NRXN3: variants seen among roughly 807,000 people sequenced by gnomAD.
NRXN3 encodes neurexin III.
In NRXN3, 32 loss-of-function variants were observed where a neutral mutation model predicts 137.6. The observed-to-expected ratio is 0.23, with a 90% CI of 0.18 to 0.31. The LOEUF (loss-of-function observed/expected upper bound fraction) is 0.31, where lower values mean the gene tolerates loss of function less well. NRXN3 is among the 10% of genes least tolerant of loss of function. The pLI is 1.00. For missense variants in NRXN3, 1,574 were observed against 2,062.5 expected, an observed-to-expected ratio of 0.76 and a Z score of 4.59; for synonymous variants, 798 against 784.5, an observed-to-expected ratio of 1.02 and a Z score of -0.29.
chr14:79,022,525 C>T (rs1022235795), intron 15 of NRXN3, among the ~76,000 whole-genome samples: 19 of 152,250 alleles, frequency 1.2e-4, no homozygotes, highest in Middle Eastern at 3.4e-3. Context: ...GGAACACACA[C>T]GAAGCCAGAA....
rs916073051 is a variant in NRXN3, at chr14:78,994,132, G to C, written c.3262+5991G>C. On this transcript the variant is annotated intron_variant, in intron 15 of 20. Transcript: ENST00000335750. The stretch of plus-strand genomic sequence containing the variant: ...GCCTCCCAAAGTGCTGGGATTACAG[G>C]TGTGAGCCACTGCGCCTGGCTGCCT... Among the ~76,000 whole-genome samples, 3 of 152,082 alleles carry C rather than the reference G, an allele frequency of 2.0e-5. No individual in the cohort carries two copies. The East Asian group carries it at 5.8e-4, about 29-fold the overall frequency.
At chr14:79,301,999 T>G (rs2085221787) in intron 15 of NRXN3, among the ~76,000 whole-genome samples, 1 of 151,978 alleles carries the variant, frequency 6.6e-6, no homozygotes, top group Non-Finnish European at 1.5e-5. Flanking sequence ...AAGTATTTGC[T>G]GAAGGGAGGG....
At chr14:79,436,696 G>A (rs1413992146) in intron 15 of NRXN3, among the ~76,000 whole-genome samples, 3 of 152,170 alleles carry the variant, frequency 2.0e-5, no homozygotes, top group African/African-American at 4.8e-5. Context: ...CTAGGGAAAA[G>A]GAGAATTACA....
chr14:79,659,879 T>C (rs2098524815), intron 16 of NRXN3, among the ~76,000 whole-genome samples: 1 of 152,206 alleles, frequency 6.6e-6, no homozygotes, highest in Middle Eastern at 3.2e-3. Context: ...CAGAGTGTTT[T>C]ATATCTGATC....
At chr14:79,018,906 T>TA (rs2099584230) in intron 15 of NRXN3, among the ~76,000 whole-genome samples, 1 of 152,238 alleles carries the variant, frequency 6.6e-6, no homozygotes. Flanking sequence ...AGCTGCTGAT[T>TA]AAACATCTGT....
At chr14:78,386,625 A>G (rs1455501615) in intron 4 of NRXN3, among the ~76,000 whole-genome samples, 1 of 152,346 alleles carries the variant, frequency 6.6e-6, no homozygotes, top group East Asian at 1.9e-4. Flanking sequence ...TTTATGGATG[A>G]ACAAACCAAA....
At chr14:78,570,910 T>C (rs977579467) in intron 4 of NRXN3, among the ~76,000 whole-genome samples, 2 of 152,192 alleles carry the variant, frequency 1.3e-5, no homozygotes, top group African/African-American at 4.8e-5. Context: ...CTTTCCTCAG[T>C]CTCAGTGAGC....
At chr14:79,026,972 A>ATCAC (rs2099599416) in intron 15 of NRXN3, among the ~76,000 whole-genome samples, 1 of 1,762 alleles carries the variant, frequency 5.7e-4, no homozygotes, top group African/African-American at 1.1e-3. Context: ...ATATATATAT[A>ATCAC]TATATATATA....
Position 78,862,044 on chromosome 14 carries a change from GTAAACAAC to G in NRXN3, c.2275+51705_2275+51712del, listed in dbSNP as rs573381727. ...TAGAGTTTACATTCCAGTTGTACTA[GTAAACAAC>G]TAAAACCTCTACATAAGGCAGTTTA... On this transcript the variant is annotated intron_variant, in intron 10 of 20. Transcript: ENST00000335750. 4.6e-5 allele frequency among the ~76,000 whole-genome samples: 7 copies of G among 152,192 alleles called. No individual in the cohort carries two copies. In the South Asian group the frequency reaches 1.4e-3, roughly 32 times the overall value.
intron 15 of NRXN3, among the ~76,000 whole-genome samples, chr14:79,410,752 TTCAC>T (rs1203476054): frequency 1.3e-4 from 20 of 152,114 alleles, no homozygotes; most frequent in Non-Finnish European, 2.6e-4. Context: ...CATTAATTCA[TTCAC>T]TCATTTTATG....
chr14:79,595,701 C>T (rs1482537962), intron 16 of NRXN3, among the ~76,000 whole-genome samples: 1 of 151,936 alleles, frequency 6.6e-6, no homozygotes, highest in African/African-American at 2.4e-5. Context: ...TTATCTCCAA[C>T]AATTTTTATA....
At chr14:79,142,780 A>C (rs1043405815) in intron 15 of NRXN3, among the ~76,000 whole-genome samples, 6 of 152,124 alleles carry the variant, frequency 3.9e-5, no homozygotes, top group African/African-American at 1.2e-4. Context: ...GAGGAATGAG[A>C]TTGAAGAAGT....
chr14:79,727,356 A>C (rs1168730909), intron 19 of NRXN3, among the ~76,000 whole-genome samples: 1 of 152,148 alleles, frequency 6.6e-6, no homozygotes, highest in Non-Finnish European at 1.5e-5. Flanking sequence ...CTTCCTGCCT[A>C]ATCAAGTCAG....
chr14:79,283,795 C>G (rs1164565862), intron 15 of NRXN3, among the ~76,000 whole-genome samples: 1 of 151,938 alleles, frequency 6.6e-6, no homozygotes, highest in African/African-American at 2.4e-5. Context: ...ATACTCTGTG[C>G]CAGGCTGTGG....
intron 15 of NRXN3, among the ~76,000 whole-genome samples, chr14:79,184,084 T>G (rs1226114669): frequency 6.6e-6 from 1 of 152,200 alleles, no homozygotes; most frequent in African/African-American, 2.4e-5. Flanking sequence ...TAGAAGCTGC[T>G]CTCTGCTTCA....
At chr14:78,552,489 A>T (rs1360633167) in intron 4 of NRXN3, among the ~76,000 whole-genome samples, 1 of 152,176 alleles carries the variant, frequency 6.6e-6, no homozygotes, top group Non-Finnish European at 1.5e-5. Flanking sequence ...AGACACTGGC[A>T]TGAAGTCAGC....
chr14:79,323,726 G>A (rs963271306), intron 15 of NRXN3, among the ~76,000 whole-genome samples: 5 of 152,132 alleles, frequency 3.3e-5, no homozygotes, highest in Non-Finnish European at 7.4e-5. Flanking sequence ...GGGCGTGGCG[G>A]TGTGCGCCTG....
At chr14:78,515,398 T>G (rs1042796276) in intron 4 of NRXN3, among the ~76,000 whole-genome samples, 2 of 152,060 alleles carry the variant, frequency 1.3e-5, no homozygotes, top group East Asian at 1.9e-4. Context: ...GGCTTATTTG[T>G]TTTGGGCAGA....
intron 20 of NRXN3, among the ~76,000 whole-genome samples, chr14:79,812,082 C>A (rs1783597031): frequency 6.6e-6 from 1 of 151,880 alleles, no homozygotes; most frequent in South Asian, 2.1e-4. Flanking sequence ...ATATGTGGCC[C>A]ATAGATCGAC....
Sources: gnomAD v4.1 joint callset for allele counts (sites outside exome capture counted in the v4.1 genomes callset) on GRCh38, gnomAD v4.1.1 for gene constraint, MANE v1.5 for transcripts, NCBI Gene and HGNC (gene_info 2026-07-23, HGNC 2026-07-21) for gene names.